Variants in ALKBH8 observed in about 807,000 individuals in gnomAD.
The protein encoded by ALKBH8 is alkB homolog 8, tRNA methyltransferase.
Under a neutral mutation model 59.8 loss-of-function variants are expected in ALKBH8, and 36 were observed. That is an observed-to-expected ratio of 0.60 (90% CI 0.46 to 0.79). ALKBH8 has a LOEUF of 0.79. Among genes scored for constraint, ALKBH8 ranks in the 30% least tolerant of loss-of-function variants. The pLI is 0.00. For synonymous variants in ALKBH8, 276 were observed against 273.6 expected (o/e 1.01, Z -0.09); for missense variants, 768 against 801.0 (o/e 0.96, Z 0.50).
intron 7 of ALKBH8, among the ~76,000 whole-genome samples, chr11:107,541,428 C>T (rs553542941): frequency 5.3e-5 from 8 of 152,154 alleles, no homozygotes; most frequent in African/African-American, 1.9e-4. Context: ...GTACAAACAT[C>T]CCAGGATCTG....
At chr11:107,558,798 G>A (rs1225691222) in intron 2 of ALKBH8, among the ~76,000 whole-genome samples, 1 of 152,208 alleles carries the variant, frequency 6.6e-6, no homozygotes, top group Non-Finnish European at 1.5e-5. Context: ...GGAGGAGTAT[G>A]TATGAAGTAG....
chr11:107,555,236 G>A (rs1013679340), intron 3 of ALKBH8, among the ~76,000 whole-genome samples: 2 of 152,080 alleles, frequency 1.3e-5, no homozygotes, highest in Non-Finnish European at 2.9e-5. Context: ...CTCCAGCCTA[G>A]GTGAAAGAGC....
chr11:107,508,504 A>G (rs905815290), intron 11 of ALKBH8, among the ~76,000 whole-genome samples: 3 of 152,282 alleles, frequency 2.0e-5, no homozygotes, highest in Middle Eastern at 3.4e-3. Context: ...GGTAAAATAT[A>G]TGTAACAAAA....
rs1469175564 is a variant in ALKBH8, at chr11:107,503,321, C to T, written c.*1337G>A. 1.3e-5 allele frequency: 2 copies of T among 152,092 alleles called. No homozygotes were observed. Among genetic ancestry groups the T allele is most frequent in the African/African-American group, 4.8e-5 (2 of 41,414 alleles). 9.4% of individuals were successfully genotyped at this position (152,092 alleles called of 1,614,324 possible). On this transcript the variant is annotated 3_prime_UTR_variant, in exon 12 of 12. Coordinates refer to ENST00000428149, the MANE Select transcript of ALKBH8 (RefSeq NM_138775.3). ...AAAATAATCATCCTCTCATCTGAGA[C>T]CCATTATTGATCACTATAGGTTTCT...
intron 1 of ALKBH8, among the ~76,000 whole-genome samples, chr11:107,564,841 G>A (rs1170772009): frequency 1.3e-5 from 2 of 152,104 alleles, no homozygotes; most frequent in African/African-American, 4.8e-5. Flanking sequence ...TCACCCTGTA[G>A]CACCCAGCAC....
chr11:107,505,309 C>A (rs1437437224), intron 11 of ALKBH8, 94 bp from the exon 12 acceptor site: 4 of 879,704 alleles, frequency 4.5e-6, no homozygotes, highest in African/African-American at 1.7e-5. Flanking sequence ...TTAGGATGAA[C>A]AATAAGAATA....
At chr11:107,545,036 T>C (rs1864194126) in intron 7 of ALKBH8, among the ~76,000 whole-genome samples, 4 of 152,168 alleles carry the variant, frequency 2.6e-5, no homozygotes, top group Non-Finnish European at 4.4e-5. Flanking sequence ...ATGAAAATAT[T>C]CCAAGGACTC....
chr11:107,565,647 C>A lies in ALKBH8; in HGVS notation c.-53G>T. 1 of 1,535,722 alleles carries A rather than the reference C, an allele frequency of 6.5e-7. No individual in the cohort carries two copies. The highest frequency in any genetic ancestry group is 8.7e-7 in the Non-Finnish European group (1 of 1,146,912). On this transcript the variant is annotated 5_prime_UTR_variant, in exon 1 of 12. Transcript: ENST00000428149. Reference sequence around the variant, plus strand: ...ATTCTCACCATGCGTGTGCCTTCTTCTTTGCCAGCCTCTCCACTCTAGCAC... The same window carrying A: ...ATTCTCACCATGCGTGTGCCTTCTTATTTGCCAGCCTCTCCACTCTAGCAC...
In ALKBH8 at chr11:107,556,964, T is replaced by A; in HGVS notation, c.169A>T (p.Ser57Cys). The part of the protein sequence containing the change: ...VANGGLGNGV[S>C]RNQLLPVLEK... ...AAAACCGGGAGCAGCTGGTTCCGAC[T>A]CACACCATTACCCAAACCACCATTG... The change falls in exon 3 of 12, where the codon AGT becomes TGT. Residue 57 changes from serine (S) to cysteine (C), a missense_variant. Transcript: ENST00000428149. The A allele has an allele frequency of 1.2e-6, 2 of 1,608,704 alleles. No individual in the cohort carries two copies. Among genetic ancestry groups the A allele is most frequent in the Non-Finnish European group, 1.7e-6 (2 of 1,177,338 alleles).
intron 1 of ALKBH8, among the ~76,000 whole-genome samples, chr11:107,561,646 T>G (rs1325125982): frequency 6.6e-6 from 1 of 152,176 alleles, no homozygotes; most frequent in African/African-American, 2.4e-5. Context: ...ATATCATGCT[T>G]TATCACACTT....
chr11:107,552,026 G>C, intron 5 of ALKBH8, 114 bp from the exon 6 acceptor site: 1 of 455,454 alleles, frequency 2.2e-6, no homozygotes, highest in Non-Finnish European at 3.6e-6. Context: ...TTAGCAGTCA[G>C]GTCCATTAAT....
chr11:107,561,268 G>C (rs564857641), intron 1 of ALKBH8, among the ~76,000 whole-genome samples: 1 of 152,092 alleles, frequency 6.6e-6, no homozygotes, highest in African/African-American at 2.4e-5. Flanking sequence ...GGGAGCGGTG[G>C]GGGGAGAAAT....
chr11:107,538,986 G>C (rs1863930423), intron 7 of ALKBH8, among the ~76,000 whole-genome samples: 1 of 152,202 alleles, frequency 6.6e-6, no homozygotes, highest in African/African-American at 2.4e-5. Flanking sequence ...TTTCATAGCT[G>C]AAAGTTCACC....
At chr11:107,552,440 G>A (rs549780590) in intron 5 of ALKBH8, among the ~76,000 whole-genome samples, 250 of 152,054 alleles carry the variant, frequency 1.6e-3, no homozygotes, top group Middle Eastern at 6.9e-3. Context: ...TGGATTAAAA[G>A]CCAGAATATA....
intron 7 of ALKBH8, among the ~76,000 whole-genome samples, chr11:107,533,165 C>T (rs1273787641): frequency 6.6e-6 from 1 of 151,966 alleles, no homozygotes; most frequent in Non-Finnish European, 1.5e-5. Flanking sequence ...CCATCAAAAA[C>T]CAAAGACTTC....
chr11:107,521,720 G>T (rs979074143), intron 10 of ALKBH8, among the ~76,000 whole-genome samples: 1 of 152,042 alleles, frequency 6.6e-6, no homozygotes, highest in African/African-American at 2.4e-5. Context: ...GACAGAAATG[G>T]GTTCAAATTC....
chr11:107,515,225 T>A (rs1173884434), intron 10 of ALKBH8, among the ~76,000 whole-genome samples: 1 of 152,232 alleles, frequency 6.6e-6, no homozygotes, highest in Non-Finnish European at 1.5e-5. Flanking sequence ...TCCCTAATAA[T>A]GTTGCATCAT....
intron 10 of ALKBH8, among the ~76,000 whole-genome samples, chr11:107,521,020 GATAATTTTAAATATACAGGAGGA>G (rs1863088275): frequency 6.6e-6 from 1 of 152,022 alleles, no homozygotes; most frequent in Non-Finnish European, 1.5e-5. Flanking sequence ...GTAATCTATA[GATAATTTTAAATATACAGGAGGA>G]TATGTATAGG....
intron 7 of ALKBH8, among the ~76,000 whole-genome samples, chr11:107,536,840 T>C (rs577745140): frequency 1.3e-5 from 2 of 152,316 alleles, no homozygotes; most frequent in African/African-American, 2.4e-5. Flanking sequence ...AGACCTCAGA[T>C]AAAGAGTTCG....
Sources: allele counts gnomAD v4.1 joint callset (sites outside exome capture counted in the v4.1 genomes callset), GRCh38; gene constraint gnomAD v4.1.1; transcripts MANE v1.5; gene names NCBI Gene and HGNC (gene_info 2026-07-23, HGNC 2026-07-21).